PLXNB1: variants seen among roughly 807,000 people sequenced by gnomAD.
PLXNB1 encodes the protein plexin-B1.
Under a neutral mutation model 209.4 loss-of-function variants are expected in PLXNB1, and 106 were observed. That is an observed-to-expected ratio of 0.51 (90% CI 0.43 to 0.59). The LOEUF (loss-of-function observed/expected upper bound fraction) is 0.59. Ranked by LOEUF, PLXNB1 falls within the 20% of genes least tolerant of loss-of-function variation. The pLI is 0.00. For missense variants in PLXNB1, 2,357 were observed against 2,853.2 expected (o/e 0.83, Z 3.96); for synonymous variants, 1,167 against 1,183.2 (o/e 0.99, Z 0.28).
Position 48,429,507 on chromosome 3 carries a change from C to A in PLXNB1, c.-60+501G>T, listed in dbSNP as rs952225483. Reference sequence around the variant, plus strand: ...CCTCGCCTGCCGGGCTGCCCTCCCCCCGCCCGCCGCCCGGGCCAGGCCGGA... The same window carrying A: ...CCTCGCCTGCCGGGCTGCCCTCCCCACGCCCGCCGCCCGGGCCAGGCCGGA... On this transcript the variant is annotated intron_variant, in intron 1 of 37. Coordinates refer to ENST00000296440, the MANE Select transcript of PLXNB1 (RefSeq NM_001130082.3). This position sits in a 1 kb window ranked among gnomAD's most constrained non-coding sequence, Gnocchi z 6.4. 2.0e-5 allele frequency: 3 copies of A among 151,510 alleles called. No homozygotes were observed. The highest frequency in any genetic ancestry group is 6.6e-5 in the Admixed American group (1 of 15,202). The allele number at this position is 151,510 out of a possible 1,614,324, so 9.4% of individuals were successfully genotyped here.
Position 48,406,773 on chromosome 3 carries a change from G to A in PLXNB1, c.6228+50C>T, listed in dbSNP as rs1156770642. The A allele has an allele frequency of 9.1e-6, 14 of 1,546,252 alleles. No homozygotes were observed. Among genetic ancestry groups the A allele is most frequent in the Admixed American group, 7.7e-5 (4 of 51,924 alleles). On this transcript the variant is annotated intron_variant, in intron 36 of 37. Coordinates refer to ENST00000296440, the MANE Select transcript of PLXNB1 (RefSeq NM_001130082.3). The surrounding 1 kb of genome is among the most constrained non-coding windows in gnomAD (Gnocchi z 4.4). ...GGGGCAGTGTGAAGGGGGAAGGACC[G>A]TTGTGGCAGGAGGCCTATGCCCAAC...
rs368327333 is a variant in PLXNB1, at chr3:48,409,425, G to C, written c.5991C>G (p.Phe1997Leu). 3.9e-5 allele frequency: 63 copies of C among 1,614,172 alleles called. No individual in the cohort carries two copies. Among genetic ancestry groups the C allele is most frequent in the Non-Finnish European group, 5.3e-5 (62 of 1,180,036 alleles). ...CCATGTTATCAGATGTTTGCACGTCGAACACAAACTGCGGGTTTTTTATTA... is the reference window on the plus strand; with the variant it reads ...CCATGTTATCAGATGTTTGCACGTCCAACACAAACTGCGGGTTTTTTATTA... ...INIIKNPQFV[F>L]DVQTSDNMDA... is the part of the protein sequence containing the mutation. Residue 1997 changes from phenylalanine to leucine, a missense_variant, in exon 34 of 38, where the codon TTC (phenylalanine) becomes TTG (leucine). Around this residue, in one of 7 missense-constraint regions of PLXNB1, gnomAD observed 414 missense variants for 520.5 expected, o/e 0.80. Coordinates refer to ENST00000296440, the MANE Select transcript of PLXNB1 (RefSeq NM_001130082.3). The surrounding 1 kb of genome is among the most constrained non-coding windows in gnomAD (Gnocchi z 5.8).
chr3:48,422,526 T>C, intron 4 of PLXNB1, 67 bp from the exon 5 acceptor site: 2 of 1,468,516 alleles, frequency 1.4e-6, no homozygotes, highest in Non-Finnish European at 1.8e-6. Flanking sequence ...CCTCCCCTCC[T>C]CCACCCAATC....
At chr3:48,414,407 C>T (rs1429881023) in intron 21 of PLXNB1, among the ~76,000 whole-genome samples, 3 of 152,168 alleles carry the variant, frequency 2.0e-5, no homozygotes, top group Non-Finnish European at 4.4e-5. Flanking sequence ...GTGGTCTGCC[C>T]GCATGCCCAT....
chr3:48,418,479 G>A lies in PLXNB1; in HGVS notation c.3019C>T (p.Leu1007=). Residue 1007 remains leucine (L), a synonymous_variant, in exon 14 of 38, where the codon CTG becomes TTG. Coordinates refer to ENST00000296440, the MANE Select transcript of PLXNB1 (RefSeq NM_001130082.3). This position sits in a 1 kb window ranked among gnomAD's most constrained non-coding sequence, Gnocchi z 6.6. ...AGCCCCTCAGCACTGTCCACACGCAGACGGCCGGCCCGACGCAGAAACAGC... is the reference window on the plus strand; with the variant it reads ...AGCCCCTCAGCACTGTCCACACGCAAACGGCCGGCCCGACGCAGAAACAGC... The part of the protein sequence containing the change: ...VGLFLRRAGR[L]RVDSAEGLHV... 2.5e-6 allele frequency: 4 copies of A among 1,612,948 alleles called. No homozygotes were observed. Among genetic ancestry groups the A allele is most frequent in the South Asian group, 1.1e-5 (1 of 90,998 alleles).
In PLXNB1 at chr3:48,406,611, G is replaced by A. The variant is rs144593096; in HGVS notation, c.6228+212C>T. 1,414 of 1,398,200 alleles carry A rather than the reference G, an allele frequency of 1.0e-3. 11 individuals carry two copies. The African/African-American group carries it at 0.018, about 18-fold the overall frequency. The allele number at this position is 1,398,200 out of a possible 1,614,324, so 86.6% of individuals were successfully genotyped here. A position where few individuals can be genotyped will look rare whatever the true frequency, so the allele number is the denominator to read the frequency against. ...AATCAGGGTACATGGCAGCTGCCAG[G>A]ACAAGACCCCTGCTTGCTCTGTGAT... On this transcript the variant is annotated intron_variant, in intron 36 of 37. Transcript: ENST00000296440. This position sits in a 1 kb window ranked among gnomAD's most constrained non-coding sequence, Gnocchi z 4.4.
In PLXNB1 at chr3:48,410,693, C is replaced by T; in HGVS notation, c.5417-135G>A. ...ACTCAACCTCTCCAAAGACCAAGAG[C>T]AGGGACCCCCTCCCCAGATGAGAGG... is the stretch of plus-strand genomic sequence containing the variant. On this transcript the variant is annotated intron_variant, in intron 29 of 37. Transcript: ENST00000296440. The surrounding 1 kb of genome is among the most constrained non-coding windows in gnomAD (Gnocchi z 6.4). 1.1e-6 allele frequency: 1 copy of T among 936,484 alleles called. No homozygotes were observed. Among genetic ancestry groups the T allele is most frequent in the Non-Finnish European group, 1.6e-6 (1 of 614,024 alleles). 58.0% of individuals were successfully genotyped at this position (936,484 alleles called of 1,614,324 possible).
intron 25 of PLXNB1, 47 bp from the exon 26 acceptor site, chr3:48,412,667 G>A: frequency 1.2e-6 from 2 of 1,606,792 alleles, no homozygotes; most frequent in Middle Eastern, 3.3e-4. Context: ...GGGGGACAGA[G>A]GGGCGGGCTC....
In PLXNB1 at chr3:48,405,861, C is replaced by T; in HGVS notation, c.6229-63G>A. ...GGGTGCAGAGAGCCACAGGAGGCAG[C>T]CCAGGACCCCAGGGAAGGGCTGGGG... On this transcript the variant is annotated intron_variant, in intron 36 of 37. Transcript: ENST00000296440. This position sits in a 1 kb window ranked among gnomAD's most constrained non-coding sequence, Gnocchi z 5.0. The T allele has an allele frequency of 2.3e-6, 3 of 1,316,904 alleles. No homozygotes were observed. Among genetic ancestry groups the T allele is most frequent in the Non-Finnish European group, 2.2e-6 (2 of 918,966 alleles). 81.6% of individuals were successfully genotyped at this position (1,316,904 alleles called of 1,614,324 possible). A position where few individuals can be genotyped will look rare whatever the true frequency, so the allele number is the denominator to read the frequency against.
Position 48,406,539 on chromosome 3 carries a change from A to G in PLXNB1, c.6228+284T>C. The G allele has an allele frequency of 1.0e-6, 1 of 984,094 alleles. No homozygotes were observed. The highest frequency in any genetic ancestry group is 1.2e-6 in the Non-Finnish European group (1 of 828,744). 61.0% of individuals were successfully genotyped at this position (984,094 alleles called of 1,614,324 possible). ...TGGGAAGACGCATGCAGGCAGACCCAGGCAGGCCTGGGGCTGAATCCCAGC... is the reference window on the plus strand; with the variant it reads ...TGGGAAGACGCATGCAGGCAGACCCGGGCAGGCCTGGGGCTGAATCCCAGC... On this transcript the variant is annotated intron_variant, in intron 36 of 37. Coordinates refer to ENST00000296440, the MANE Select transcript of PLXNB1 (RefSeq NM_001130082.3). This position sits in a 1 kb window ranked among gnomAD's most constrained non-coding sequence, Gnocchi z 4.4.
In PLXNB1 at chr3:48,406,928, T is replaced by G. The variant is rs1486649462; in HGVS notation, c.6153-30A>C. On this transcript the variant is annotated intron_variant, in intron 35 of 37. Coordinates refer to ENST00000296440, the MANE Select transcript of PLXNB1 (RefSeq NM_001130082.3). This position sits in a 1 kb window ranked among gnomAD's most constrained non-coding sequence, Gnocchi z 4.4. ...CAGAGAGCCAGGGCACAGCAGCTGC[T>G]GGGTAAACAAGCCCACTCCCCTGCT... 1.2e-6 allele frequency: 2 copies of G among 1,611,404 alleles called. No homozygotes were observed. The highest frequency in any genetic ancestry group is 1.3e-5 in the African/African-American group (1 of 74,850).
At position 48,419,536 on chromosome 3, in the gene PLXNB1, C is replaced by T. The variant is rs925817333; in HGVS notation, c.2709+41G>A. 1.3e-6 allele frequency: 2 copies of T among 1,560,916 alleles called. No homozygotes were observed. The highest frequency in any genetic ancestry group is 1.3e-5 in the African/African-American group (1 of 74,120). ...CAAGCTAGGGGTAGCATCTTCCCCA[C>T]ATCCCCTCCCCTGAGGCCTCCTTCC... On this transcript the variant is annotated intron_variant, in intron 11 of 37. Coordinates refer to ENST00000296440, the MANE Select transcript of PLXNB1 (RefSeq NM_001130082.3). This position sits in a 1 kb window ranked among gnomAD's most constrained non-coding sequence, Gnocchi z 5.7.
In PLXNB1 at chr3:48,423,682, C is replaced by T. The variant is rs775370353; in HGVS notation, c.930G>A (p.Ser310=). Residue 310 remains serine, a synonymous_variant, in exon 3 of 38, where the codon TCG becomes TCA. Transcript: ENST00000296440. ...AAPPTVGRPP[S]AAAGASGASA... ...AGGCTCCAGATGCCCCAGCAGCCGC[C>T]GATGGGGGCCGGCCCACAGTGGGGG... The T allele has an allele frequency of 1.2e-5, 19 of 1,613,614 alleles. No homozygotes were observed. The highest frequency in any genetic ancestry group is 3.3e-4 in the Middle Eastern group (2 of 6,084).
rs780856189 is a variant in PLXNB1, at chr3:48,409,637, A to G, written c.5873T>C (p.Leu1958Pro). The G allele has an allele frequency of 6.2e-7, 1 of 1,613,828 alleles. No individual in the cohort carries two copies. The highest frequency in any genetic ancestry group is 1.3e-5 in the African/African-American group (1 of 74,860). Residue 1958 changes from leucine to proline, a missense_variant, in exon 33 of 38, where the codon CTG becomes CCG. By Grantham distance (98) the Leu-to-Pro change is moderately conservative (BLOSUM62 -3). This residue lies in a region of PLXNB1 where 414 missense variants were observed against 520.5 expected (regional missense o/e 0.80). Transcript: ENST00000296440. This position sits in a 1 kb window ranked among gnomAD's most constrained non-coding sequence, Gnocchi z 5.8. ...PLAVKYFFDLLDEQAQQHGIS... is the reference protein window; with the variant it reads ...PLAVKYFFDLPDEQAQQHGIS... Reference sequence around the variant, plus strand: ...GCCATGCTGCTGGGCCTGCTCATCCAGCAGGTCAAAGAAGTACTTCACAGC... The same window carrying G: ...GCCATGCTGCTGGGCCTGCTCATCCGGCAGGTCAAAGAAGTACTTCACAGC...
rs556127793 is a variant in PLXNB1, at chr3:48,403,955, C to T, written c.*531G>A. 1 of 154,258 alleles carries T rather than the reference C, an allele frequency of 6.5e-6. No individual in the cohort carries two copies. The highest frequency in any genetic ancestry group is 1.9e-4 in the East Asian group (1 of 5,190). 9.6% of individuals were successfully genotyped at this position (154,258 alleles called of 1,614,324 possible). A position where few individuals can be genotyped will look rare whatever the true frequency, so the allele number is the denominator to read the frequency against. ...GCCCTCACCATGGCTACCTATGAGGCAGGGCAGCCCTGTGGCAGCCAGCCC... is the reference window on the plus strand; with the variant it reads ...GCCCTCACCATGGCTACCTATGAGGTAGGGCAGCCCTGTGGCAGCCAGCCC... On this transcript the variant is annotated 3_prime_UTR_variant, in exon 38 of 38. Coordinates refer to ENST00000296440, the MANE Select transcript of PLXNB1 (RefSeq NM_001130082.3).
At chr3:48,421,942 C>A (rs1468690037) in intron 6 of PLXNB1, 136 bp from the exon 7 acceptor site, 3 of 1,400,976 alleles carry the variant, frequency 2.1e-6, no homozygotes, top group Non-Finnish European at 2.9e-6. Flanking sequence ...TCTGCCCTGG[C>A]AGGGCACTGA....
Position 48,422,932 on chromosome 3 carries a change from A to G in PLXNB1, c.1123T>C (p.Tyr375His), listed in dbSNP as rs751694773. 6.2e-7 allele frequency: 1 copy of G among 1,613,754 alleles called. No individual in the cohort carries two copies. The highest frequency in any genetic ancestry group is 1.1e-5 in the South Asian group (1 of 91,056). ...GGCGTGTGGTCTGAGCCACAGGGAT[A>G]AGCATCCAGGGTGTCCTATAGGCAG... The part of the protein sequence containing the change: ...AQLPVDTLDA[Y>H]PCGSDHTPSP... The change falls in exon 4 of 38, where the codon TAT becomes CAT. Residue 375 changes from tyrosine to histidine, a missense_variant. Around this residue, in one of 7 missense-constraint regions of PLXNB1, gnomAD observed 404 missense variants for 443.6 expected, o/e 0.91. Coordinates refer to ENST00000296440, the MANE Select transcript of PLXNB1 (RefSeq NM_001130082.3).
chr3:48,407,848 C>A (rs1319999380), intron 34 of PLXNB1, among the ~76,000 whole-genome samples: 1 of 152,198 alleles, frequency 6.6e-6, no homozygotes, highest in Non-Finnish European at 1.5e-5. Context: ...CTGGAAGGAT[C>A]TGGCAAAAAT....
In PLXNB1 at chr3:48,406,701, C is replaced by T. The variant is rs1460892313; in HGVS notation, c.6228+122G>A. 1.4e-6 allele frequency: 2 copies of T among 1,449,654 alleles called. No homozygotes were observed. Among genetic ancestry groups the T allele is most frequent in the Admixed American group, 5.4e-5 (2 of 37,106 alleles). 89.8% of individuals were successfully genotyped at this position (1,449,654 alleles called of 1,614,324 possible). A position where few individuals can be genotyped will look rare whatever the true frequency, so the allele number is the denominator to read the frequency against. ...CATTCTGCATTTATGTTTCCTGCCCCAACCAGCTCACAGGGCTGCTGAGGT... is the reference window on the plus strand; with the variant it reads ...CATTCTGCATTTATGTTTCCTGCCCTAACCAGCTCACAGGGCTGCTGAGGT... On this transcript the variant is annotated intron_variant, in intron 36 of 37. Coordinates refer to ENST00000296440, the MANE Select transcript of PLXNB1 (RefSeq NM_001130082.3). This position sits in a 1 kb window ranked among gnomAD's most constrained non-coding sequence, Gnocchi z 4.4.
Sources: allele counts gnomAD v4.1 joint callset (sites outside exome capture counted in the v4.1 genomes callset), GRCh38; gene constraint gnomAD v4.1.1; regional missense constraint gnomAD v4.1.1; non-coding constraint Gnocchi (gnomAD v3.1); transcripts MANE v1.5; gene names NCBI Gene and HGNC (gene_info 2026-07-23, HGNC 2026-07-21).